Variants in LEMD1 observed in about 807,000 individuals in gnomAD.
LEMD1 encodes LEM domain containing 1.
A neutral mutation model predicts 17.4 loss-of-function variants in LEMD1; 18 were observed. That is an observed-to-expected ratio of 1.04 (90% CI 0.72 to 1.54). The LOEUF is 1.54. Among genes scored for constraint, LEMD1 ranks in the 40% most tolerant of loss-of-function variants. LEMD1 has a pLI of 0.00. For synonymous variants in LEMD1, 88 were observed against 77.8 expected (o/e 1.13, Z -0.69); for missense variants, 195 against 210.4 (o/e 0.93, Z 0.45).
chr1:205,395,958 C>CA (rs1372263863), intron 4 of LEMD1, among the ~76,000 whole-genome samples: 2 of 151,546 alleles, frequency 1.3e-5, no homozygotes, highest in Non-Finnish European at 2.9e-5. Context: ...ACCACACTGA[C>CA]AAAAATAAAT....
At chr1:205,399,549 C>G (rs1664742060) in intron 4 of LEMD1, among the ~76,000 whole-genome samples, 1 of 152,134 alleles carries the variant, frequency 6.6e-6, no homozygotes, top group Non-Finnish European at 1.5e-5. Flanking sequence ...TTGTGAAACA[C>G]CAAACATCTT....
At chr1:205,417,593 C>T (rs1665751414) in intron 3 of LEMD1, among the ~76,000 whole-genome samples, 1 of 152,038 alleles carries the variant, frequency 6.6e-6, no homozygotes, top group Non-Finnish European at 1.5e-5. Context: ...AGCCACTTTC[C>T]CTGAGGCACC....
chr1:205,414,435 T>G (rs28448623), intron 4 of LEMD1, among the ~76,000 whole-genome samples: 8,373 of 139,424 alleles, frequency 0.06, 311 homozygotes, highest in Non-Finnish European at 0.09. Context: ...AAAAAAAAAG[T>G]TTTTTTTGAG....
chr1:205,423,837 G>T (rs1187839007), upstream of LEMD1, among the ~76,000 whole-genome samples: 1 of 152,044 alleles, frequency 6.6e-6, no homozygotes, highest in Non-Finnish European at 1.5e-5. Context: ...CATTTCTTGA[G>T]GGAAGCAAGT....
At chr1:205,408,502 C>CTTTTTTTTT (rs573634699) in intron 4 of LEMD1, among the ~76,000 whole-genome samples, 3 of 136,878 alleles carry the variant, frequency 2.2e-5, no homozygotes, top group African/African-American at 5.5e-5. Flanking sequence ...TTCTTTCTTT[C>CTTTTTTTTT]TTTTTTTTTT....
chr1:205,389,033 CTTTCTTTTTTTTTTTTTTT>C (rs1664192328), intron 4 of LEMD1, among the ~76,000 whole-genome samples: 1 of 77,090 alleles, frequency 1.3e-5, no homozygotes, highest in Non-Finnish European at 2.7e-5. Flanking sequence ...AGTACATTTG[CTTTCTTTTTTTTTTTTTTT>C]TTTTTTTTTT....
At chr1:205,396,449 A>T (rs1023822601) in intron 4 of LEMD1, among the ~76,000 whole-genome samples, 7 of 152,214 alleles carry the variant, frequency 4.6e-5, no homozygotes, top group Non-Finnish European at 1.0e-4. Flanking sequence ...ACATTCATGC[A>T]ATCAGAAAAA....
chr1:205,383,866 C>A (rs1663851595), intron 5 of LEMD1, among the ~76,000 whole-genome samples: 1 of 151,584 alleles, frequency 6.6e-6, no homozygotes, highest in Admixed American at 6.6e-5. Context: ...GAACTCCTGA[C>A]CTCAGGCAAT....
chr1:205,425,614 T>G (rs765615747), upstream of LEMD1, among the ~76,000 whole-genome samples: 2 of 152,054 alleles, frequency 1.3e-5, no homozygotes, highest in East Asian at 3.9e-4. Context: ...GTGAGCCCAG[T>G]AGACTCCACT....
At chr1:205,389,924 C>G (rs151251934) in intron 4 of LEMD1, among the ~76,000 whole-genome samples, 7 of 152,180 alleles carry the variant, frequency 4.6e-5, no homozygotes, top group Non-Finnish European at 7.3e-5. Flanking sequence ...TATGATAAAG[C>G]TTTTATTTAA....
upstream of LEMD1, among the ~76,000 whole-genome samples, chr1:205,424,940 A>G (rs1381816562): frequency 6.6e-6 from 1 of 152,202 alleles, no homozygotes; most frequent in Non-Finnish European, 1.5e-5. Flanking sequence ...TTATTACAAC[A>G]CTCTAGAAAA....
chr1:205,385,557 G>T lies in LEMD1; in HGVS notation c.271-1193C>A, dbSNP rs1318073862. The T allele has an allele frequency of 2.0e-5, 3 of 152,386 alleles. No homozygotes were observed. In the East Asian group the frequency reaches 5.8e-4, roughly 29 times the overall value. 9.4% of individuals were successfully genotyped at this position (152,386 alleles called of 1,614,324 possible). A position where few individuals can be genotyped will look rare whatever the true frequency, so the allele number is the denominator to read the frequency against. Reference sequence around the variant, plus strand: ...ATTTGTTGCGTGCTGCTGAGTGCCAGGCCTGACGCCGGCTGTGAAGATTTC... The same window carrying T: ...ATTTGTTGCGTGCTGCTGAGTGCCATGCCTGACGCCGGCTGTGAAGATTTC... On this transcript the variant is annotated intron_variant, in intron 4 of 5. Coordinates refer to ENST00000367153, the MANE Select transcript of LEMD1 (RefSeq NM_001199050.2).
chr1:205,447,820 T>C (rs939244736), intron 1 of LEMD1, among the ~76,000 whole-genome samples: 3 of 151,596 alleles, frequency 2.0e-5, no homozygotes, highest in Non-Finnish European at 4.4e-5. Context: ...CGGCATGGAG[T>C]GTTCCCATTT....
intron 4 of LEMD1, among the ~76,000 whole-genome samples, chr1:205,399,783 ATACT>A (rs1664753005): frequency 1.3e-5 from 2 of 152,250 alleles, no homozygotes; most frequent in African/African-American, 2.4e-5. Flanking sequence ...CAATGAATTC[ATACT>A]TACATGAATG....
At chr1:205,401,646 T>G (rs1664859692) in intron 4 of LEMD1, among the ~76,000 whole-genome samples, 1 of 152,224 alleles carries the variant, frequency 6.6e-6, no homozygotes, top group African/African-American at 2.4e-5. Flanking sequence ...ATTTTGTAGG[T>G]TGCCTGTTCA....
At chr1:205,443,542 G>GAGGTGCC (rs1341006287) in intron 1 of LEMD1, among the ~76,000 whole-genome samples, 6 of 152,184 alleles carry the variant, frequency 3.9e-5, no homozygotes, top group Non-Finnish European at 7.4e-5. Context: ...AGGGGCTGTA[G>GAGGTGCC]CCTGGCTCCC....
At chr1:205,411,301 C>T (rs893895715) in intron 4 of LEMD1, among the ~76,000 whole-genome samples, 14 of 151,230 alleles carry the variant, frequency 9.3e-5, no homozygotes, top group South Asian at 2.1e-4. Flanking sequence ...GGCGCAGTGG[C>T]TCACGCCTGT....
rs575381472 is a variant in LEMD1 at position 205,400,444 on chromosome 1, C to T, written c.270+15788G>A. ...CACAGTGACATTGTTTGTCCCACGG[C>T]GATGTAATGAGAAGAGCACAGCGCC... On this transcript the variant is annotated intron_variant, in intron 4 of 5. Transcript: ENST00000367153. 8.1e-4 allele frequency among the ~76,000 whole-genome samples: 123 copies of T among 152,124 alleles called. 1 individual carries two copies. The highest frequency in any genetic ancestry group is 1.2e-3 in the Non-Finnish European group (81 of 68,020).
chr1:205,405,072 G>A (rs551178961), intron 4 of LEMD1, among the ~76,000 whole-genome samples: 4 of 152,286 alleles, frequency 2.6e-5, no homozygotes, highest in South Asian at 2.1e-4. Context: ...TGAGAGATCC[G>A]CTGTTAGTCT....
Sources: gnomAD v4.1 joint callset for allele counts (sites outside exome capture counted in the v4.1 genomes callset) on GRCh38, gnomAD v4.1.1 for gene constraint, MANE v1.5 for transcripts, NCBI Gene and HGNC (gene_info 2026-07-23, HGNC 2026-07-21) for gene names.